The following MDN1 variants were observed in gnomAD, a reference collection of about 807,000 sequenced individuals.
MDN1 encodes the protein midasin.
Under a neutral mutation model 669.2 loss-of-function variants are expected in MDN1, and 266 were observed. That is an observed-to-expected ratio of 0.40 (90% CI 0.36 to 0.44). MDN1 has a LOEUF of 0.44. Among genes scored for constraint, MDN1 ranks in the 20% least tolerant of loss-of-function variants. The pLI is 1.00. For synonymous variants in MDN1, 2,385 were observed against 2,457.1 expected, an observed-to-expected ratio of 0.97 and a Z score of 0.87; for missense variants, 5,940 against 6,754.0, an observed-to-expected ratio of 0.88 and a Z score of 4.22.
intron 27 of MDN1, among the ~76,000 whole-genome samples, chr6:89,746,657 T>C (rs1816653226): frequency 6.8e-6 from 1 of 147,560 alleles, no homozygotes; most frequent in Non-Finnish European, 1.5e-5. Flanking sequence ...GAAAAAAAGT[T>C]TTTAAAAAAG....
At chr6:89,759,714 A>G (rs1817436800) in intron 17 of MDN1, among the ~76,000 whole-genome samples, 1 of 151,638 alleles carries the variant, frequency 6.6e-6, no homozygotes, top group Non-Finnish European at 1.5e-5. Flanking sequence ...CAGTGAGCTG[A>G]GATCCTGCCA....
chr6:89,804,521 T>C (rs1767885663), intron 1 of MDN1, among the ~76,000 whole-genome samples: 1 of 152,100 alleles, frequency 6.6e-6, no homozygotes, highest in South Asian at 2.1e-4. Context: ...AACCCCAAAA[T>C]TCCCCCAGCT....
chr6:89,796,703 T>C (rs1272192860), intron 2 of MDN1, among the ~76,000 whole-genome samples: 1 of 152,182 alleles, frequency 6.6e-6, no homozygotes, highest in Non-Finnish European at 1.5e-5. Flanking sequence ...AATTTTGCTG[T>C]GAGCCTAAAA....
At chr6:89,778,946 A>C (rs1818500414) in intron 11 of MDN1, among the ~76,000 whole-genome samples, 1 of 147,612 alleles carries the variant, frequency 6.8e-6, no homozygotes, top group Non-Finnish European at 1.5e-5. Context: ...AAAAAGGTAT[A>C]GGGCCTGTGT....
chr6:89,653,016 T>C lies in MDN1; in HGVS notation c.15801A>G (p.Gln5267=), dbSNP rs533301392. The change falls in exon 94 of 102, where the codon CAA becomes CAG. Residue 5267 remains glutamine (Q), a synonymous_variant. Coordinates refer to ENST00000369393, the MANE Select transcript of MDN1 (RefSeq NM_014611.3). The stretch of plus-strand genomic sequence containing the variant: ...CCTGGAAGATCGTGTCCATGAGGAA[T>C]TGATGAGCTGTATGAATGGTAGACT... ...SRESTIHTAH[Q]FLMDTIFQPF... is the part of the protein sequence containing the mutation. The C allele has an allele frequency of 2.2e-5, 35 of 1,614,138 alleles. No homozygotes were observed. The highest frequency in any genetic ancestry group is 2.8e-5 in the Non-Finnish European group (33 of 1,180,020).
In MDN1 at chr6:89,787,849, C is replaced by T. The variant is rs752012800; in HGVS notation, c.1334+5G>A. 8 of 1,608,530 alleles carry T rather than the reference C, an allele frequency of 5.0e-6. No homozygotes were observed. In the South Asian group the frequency reaches 5.5e-5, roughly 11 times the overall value. ...AGTGAAAACAGAAAGGTTACTAGTA[C>T]ATACCTCCTGGTTGCAAAAAACTGA... On this transcript the variant is annotated splice_donor_5th_base_variant and intron_variant, in intron 8 of 101. Coordinates refer to ENST00000369393, the MANE Select transcript of MDN1 (RefSeq NM_014611.3).
At chr6:89,700,009 G>T in intron 57 of MDN1, 54 bp downstream of exon 57, 1 of 1,500,290 alleles carries the variant, frequency 6.7e-7, no homozygotes, top group Non-Finnish European at 9.3e-7. Flanking sequence ...AGGATACACA[G>T]AATAATCAAG....
At chr6:89,684,387 A>AT (rs200664229) in intron 71 of MDN1, among the ~76,000 whole-genome samples, 2,413 of 143,706 alleles carry the variant, frequency 0.017, 63 homozygotes, top group African/African-American at 0.041. Flanking sequence ...TCTCAAAGTG[A>AT]TTTAAAAAAA....
At chr6:89,665,023 AT>A (rs1157359324) in intron 84 of MDN1, among the ~76,000 whole-genome samples, 1 of 152,088 alleles carries the variant, frequency 6.6e-6, no homozygotes, top group African/African-American at 2.4e-5. Context: ...TATTTCTTCT[AT>A]AAAAAATTAT....
chr6:89,809,993 T>TAAAAAAA (rs61558155), intron 1 of MDN1, among the ~76,000 whole-genome samples: 15 of 52,826 alleles, frequency 2.8e-4, no homozygotes, highest in South Asian at 1.0e-3. Context: ...TCCGTTTCAC[T>TAAAAAAA]AAAAAAAAAA....
At position 89,764,750 on chromosome 6, in the gene MDN1, G is replaced by C. The variant is rs1201604184; in HGVS notation, c.2145-2220C>G. The stretch of plus-strand genomic sequence containing the variant: ...ATAGCAAGCATTTAGGTGCAAAGCA[G>C]AAGAAAGTGGTTGGAGCTCAGCAAC... On this transcript the variant is annotated intron_variant, in intron 15 of 101. Coordinates refer to ENST00000369393, the MANE Select transcript of MDN1 (RefSeq NM_014611.3). Among the ~76,000 whole-genome samples the C allele has an allele frequency of 3.9e-5, 6 of 152,318 alleles. 1 individual carries two copies. The East Asian group carries it at 7.7e-4, about 20-fold the overall frequency.
Position 89,803,567 on chromosome 6 carries a change from A to G in MDN1, c.103-13T>C, listed in dbSNP as rs1480188287. The G allele has an allele frequency of 2.5e-6, 4 of 1,582,904 alleles. No homozygotes were observed. The highest frequency in any genetic ancestry group is 3.5e-6 in the Non-Finnish European group (4 of 1,157,172). On this transcript the variant is annotated splice_polypyrimidine_tract_variant and intron_variant, in intron 1 of 101. Transcript: ENST00000369393. ...GAGGTGTCCACACCTGAGAAAGGCA[A>G]AACAAAACATCTTTCACTTTTTTTT...
Position 89,719,044 on chromosome 6 carries a change from C to G in MDN1, c.6058-14G>C, listed in dbSNP as rs780761719. 3 of 1,613,856 alleles carry G rather than the reference C, an allele frequency of 1.9e-6. No individual in the cohort carries two copies. In the Admixed American group the frequency reaches 5.0e-5, roughly 27 times the overall value. Reference sequence around the variant, plus strand: ...TGAGTAGCCCAACTGAAAAGACATGCCAGTGAGATTTCCATAAGCGTGCCT... The same window carrying G: ...TGAGTAGCCCAACTGAAAAGACATGGCAGTGAGATTTCCATAAGCGTGCCT... On this transcript the variant is annotated splice_polypyrimidine_tract_variant and intron_variant, in intron 41 of 101. Coordinates refer to ENST00000369393, the MANE Select transcript of MDN1 (RefSeq NM_014611.3).
chr6:89,771,650 C>G, intron 14 of MDN1, 29 bp from the exon 15 acceptor site: 1 of 1,591,310 alleles, frequency 6.3e-7, no homozygotes, highest in Non-Finnish European at 8.6e-7. Context: ...AAAAGTGTTA[C>G]TCCAAAAATT....
chr6:89,666,889 T>C (rs981815523), intron 84 of MDN1, among the ~76,000 whole-genome samples: 7 of 152,228 alleles, frequency 4.6e-5, no homozygotes, highest in African/African-American at 1.4e-4. Flanking sequence ...TTTACCATTG[T>C]TCTGCATGGA....
chr6:89,720,399 C>CAA (rs559231591), intron 40 of MDN1, among the ~76,000 whole-genome samples: 32 of 106,608 alleles, frequency 3.0e-4, no homozygotes, highest in African/African-American at 7.8e-4. Context: ...GACTCCATCT[C>CAA]AAAAAAAAAA....
intron 1 of MDN1, among the ~76,000 whole-genome samples, chr6:89,812,951 T>C (rs1768537996): frequency 1.3e-5 from 2 of 152,016 alleles, no homozygotes; most frequent in African/African-American, 4.8e-5. Context: ...AATTTTTTTT[T>C]TTTTTTGAGA....
At chr6:89,709,622 G>A (rs1813748114) in intron 50 of MDN1, among the ~76,000 whole-genome samples, 1 of 152,124 alleles carries the variant, frequency 6.6e-6, no homozygotes, top group Non-Finnish European at 1.5e-5. Context: ...GAATTATTTA[G>A]CACAAAAGCA....
intron 47 of MDN1, 100 bp downstream of exon 47, chr6:89,713,048 T>A: frequency 1.5e-6 from 2 of 1,327,874 alleles, no homozygotes; most frequent in South Asian, 2.9e-5. Flanking sequence ...AGTGGTCAAC[T>A]CTCTTAGGTC....
Sources: allele counts gnomAD v4.1 joint callset (sites outside exome capture counted in the v4.1 genomes callset), GRCh38; gene constraint gnomAD v4.1.1; transcripts MANE v1.5; gene names NCBI Gene and HGNC (gene_info 2026-07-23, HGNC 2026-07-21).